The following SLIT3 variants were observed in gnomAD, a reference collection of about 807,000 sequenced individuals.
SLIT3 encodes slit homolog 3 protein.
A neutral mutation model predicts 184.0 loss-of-function variants in SLIT3; 68 were observed. That is an observed-to-expected ratio of 0.37 (90% CI 0.30 to 0.45). The LOEUF (loss-of-function observed/expected upper bound fraction) is 0.45. SLIT3 is among the 20% of genes least tolerant of loss of function. The pLI is 1.00. For missense variants in SLIT3, 1,707 were observed against 2,026.0 expected, an observed-to-expected ratio of 0.84 and a Z score of 3.02; for synonymous variants, 831 against 828.6, an observed-to-expected ratio of 1.00 and a Z score of -0.05.
At chr5:168,876,947 G>A (rs1283743317) in intron 5 of SLIT3, among the ~76,000 whole-genome samples, 1 of 152,156 alleles carries the variant, frequency 6.6e-6, no homozygotes, top group Non-Finnish European at 1.5e-5. Flanking sequence ...TTTTAACAAT[G>A]TGTATGATTT....
chr5:169,215,012 T>C (rs1764390050), intron 3 of SLIT3, among the ~76,000 whole-genome samples: 1 of 152,170 alleles, frequency 6.6e-6, no homozygotes, highest in Non-Finnish European at 1.5e-5. Flanking sequence ...CTCCTCACCC[T>C]TCCACTTAAG....
intron 4 of SLIT3, among the ~76,000 whole-genome samples, chr5:168,949,188 C>G (rs1422471481): frequency 1.3e-5 from 2 of 152,180 alleles, no homozygotes; most frequent in Non-Finnish European, 1.5e-5. Flanking sequence ...TTCTGAGGCT[C>G]TTATCTCCAG....
At chr5:168,774,923 C>G (rs1212753731) in intron 12 of SLIT3, among the ~76,000 whole-genome samples, 1 of 152,166 alleles carries the variant, frequency 6.6e-6, no homozygotes, top group Non-Finnish European at 1.5e-5. Context: ...GTCATACACA[C>G]ATGTGCACAC....
intron 4 of SLIT3, among the ~76,000 whole-genome samples, chr5:169,069,497 A>G (rs1561642951): frequency 6.6e-6 from 1 of 152,032 alleles, no homozygotes; most frequent in Non-Finnish European, 1.5e-5. Context: ...GCAATTCACT[A>G]GAGAGAGAGG....
At chr5:168,735,400 T>C (rs1253176265) in intron 20 of SLIT3, among the ~76,000 whole-genome samples, 1 of 152,120 alleles carries the variant, frequency 6.6e-6, no homozygotes, top group African/African-American at 2.4e-5. Flanking sequence ...CCTGGAGTGA[T>C]GTGGGGGCAG....
intron 4 of SLIT3, among the ~76,000 whole-genome samples, chr5:168,923,931 G>T (rs956851539): frequency 6.6e-6 from 1 of 152,234 alleles, no homozygotes; most frequent in African/African-American, 2.4e-5. Context: ...ACACAGCCAC[G>T]CTCAATCATT....
chr5:169,147,828 A>C (rs1384345875), intron 4 of SLIT3, among the ~76,000 whole-genome samples: 1 of 152,070 alleles, frequency 6.6e-6, no homozygotes, highest in African/African-American at 2.4e-5. Context: ...CTAAGAAGTA[A>C]AACCCTCCTG....
intron 4 of SLIT3, among the ~76,000 whole-genome samples, chr5:168,972,714 C>T (rs1387475282): frequency 1.3e-5 from 2 of 152,158 alleles, no homozygotes; most frequent in African/African-American, 4.8e-5. Context: ...CTTCCTTCCT[C>T]TTGCTGTCTT....
At chr5:169,181,883 T>A (rs1350379220) in intron 4 of SLIT3, among the ~76,000 whole-genome samples, 4 of 152,214 alleles carry the variant, frequency 2.6e-5, no homozygotes, top group Non-Finnish European at 4.4e-5. Context: ...AATCCAGTTT[T>A]CTTCTTTAGA....
intron 2 of SLIT3, among the ~76,000 whole-genome samples, chr5:169,250,325 C>T (rs867249721): frequency 1.3e-5 from 2 of 152,186 alleles, no homozygotes; most frequent in African/African-American, 4.8e-5. Context: ...TAACGCTTCA[C>T]AAGTAATCAC....
chr5:169,053,036 A>G (rs1319391734), intron 4 of SLIT3, among the ~76,000 whole-genome samples: 1 of 152,228 alleles, frequency 6.6e-6, no homozygotes, highest in Non-Finnish European at 1.5e-5. Flanking sequence ...CCACATCAGA[A>G]CAAGACCTGG....
At chr5:168,903,528 C>T (rs1199274943) in intron 4 of SLIT3, among the ~76,000 whole-genome samples, 1 of 152,266 alleles carries the variant, frequency 6.6e-6, no homozygotes, top group South Asian at 2.1e-4. Flanking sequence ...AGGGCATGAC[C>T]CCTGACTTGC....
intron 4 of SLIT3, among the ~76,000 whole-genome samples, chr5:169,059,580 G>A (rs1213504336): frequency 6.6e-6 from 1 of 152,142 alleles, no homozygotes; most frequent in Non-Finnish European, 1.5e-5. Context: ...GCCTCTTCCA[G>A]CCCACACATG....
chr5:169,262,921 G>A (rs765144757), intron 1 of SLIT3, among the ~76,000 whole-genome samples: 3 of 152,108 alleles, frequency 2.0e-5, no homozygotes, highest in East Asian at 3.9e-4. Context: ...AAGATATATT[G>A]AAGTCCTAAC....
intron 4 of SLIT3, among the ~76,000 whole-genome samples, chr5:168,999,155 A>G (rs1755615925): frequency 6.6e-6 from 1 of 152,114 alleles, no homozygotes; most frequent in South Asian, 2.1e-4. Flanking sequence ...GGCTCAAGGT[A>G]TCTTCCTGCC....
At chr5:169,001,739 C>A (rs1755708633) in intron 4 of SLIT3, among the ~76,000 whole-genome samples, 1 of 152,166 alleles carries the variant, frequency 6.6e-6, no homozygotes, top group African/African-American at 2.4e-5. Flanking sequence ...TAATCTCAAA[C>A]TAATCCCATT....
chr5:169,228,803 A>G (rs986139542), intron 3 of SLIT3, among the ~76,000 whole-genome samples: 1 of 152,202 alleles, frequency 6.6e-6, no homozygotes, highest in Non-Finnish European at 1.5e-5. Context: ...ATTTATTTAA[A>G]GCCTTGTCTT....
At chr5:168,698,952 G>A (rs1187417335) in intron 27 of SLIT3, among the ~76,000 whole-genome samples, 1 of 152,248 alleles carries the variant, frequency 6.6e-6, no homozygotes, top group Non-Finnish European at 1.5e-5. Context: ...AGCTGAGATG[G>A]GAGAAACACA....
At chr5:169,036,208 G>C (rs1757240424) in intron 4 of SLIT3, 1 of 152,238 alleles carries the variant, frequency 6.6e-6, no homozygotes, top group South Asian at 2.1e-4. Context: ...GCTCCAAATA[G>C]AGGGAAGGAT....
Sources: allele counts gnomAD v4.1 joint callset (sites outside exome capture counted in the v4.1 genomes callset), GRCh38; gene constraint gnomAD v4.1.1; transcripts MANE v1.5; gene names NCBI Gene and HGNC (gene_info 2026-07-23, HGNC 2026-07-21).